NTNG1: variants seen among roughly 807,000 people sequenced by gnomAD.
NTNG1 encodes the protein netrin G1, also known as netrin-G1.
A neutral mutation model predicts 54.0 loss-of-function variants in NTNG1; 16 were observed. That is an observed-to-expected ratio of 0.30 (90% CI 0.20 to 0.45). NTNG1 has a LOEUF of 0.45. Ranked by LOEUF, NTNG1 falls within the 20% of genes least tolerant of loss-of-function variation. The probability of loss-of-function intolerance (pLI) is 1.00; values close to 1 mark genes in which losing one functional copy is unlikely to be tolerated. For synonymous variants in NTNG1, 255 were observed against 263.1 expected, an observed-to-expected ratio of 0.97 and a Z score of 0.30; for missense variants, 530 against 678.7, an observed-to-expected ratio of 0.78 and a Z score of 2.43.
intron 3 of NTNG1, among the ~76,000 whole-genome samples, chr1:107,357,626 GAGGACAGCTTGATTTTAAA>G (rs1410684358): frequency 6.6e-6 from 1 of 152,192 alleles, no homozygotes; most frequent in African/African-American, 2.4e-5. Flanking sequence ...TTGGAAGAAA[GAGGACAGCTTGATTTTAAA>G]AGCTAACAAA....
In NTNG1 at chr1:107,228,928, A is replaced by G. The variant is rs139380907; in HGVS notation, c.246+80089A>G. ...GCATTGCTCCCCGCAGTGCATTTCT[A>G]TTGAACTAATCATGGTTAATGTCAT... On this transcript the variant is annotated intron_variant, in intron 2 of 7. Coordinates refer to ENST00000370068, the MANE Select transcript of NTNG1 (RefSeq NM_001113226.3). Among the ~76,000 whole-genome samples, 355 of 152,210 alleles carry G rather than the reference A, an allele frequency of 2.3e-3. 2 individuals are homozygous for G. The highest frequency in any genetic ancestry group is 3.8e-3 in the Non-Finnish European group (256 of 68,008).
At chr1:107,455,762 T>C (rs997035839) in intron 7 of NTNG1, 8 of 332,108 alleles carry the variant, frequency 2.4e-5, no homozygotes, top group Non-Finnish European at 3.4e-5. Context: ...GTGTCAGTGC[T>C]ACATGGTCAG....
chr1:107,280,034 G>GGTGTGTGTGTGTGTGTGTGTGTGT (rs58563513), intron 2 of NTNG1, among the ~76,000 whole-genome samples: 2 of 146,452 alleles, frequency 1.4e-5, no homozygotes, highest in African/African-American at 5.1e-5. Flanking sequence ...TTCCTTTGTT[G>GGTGTGTGTGTGTGTGTGTGTGTGT]GTGTGTGTGT....
chr1:107,347,814 G>A (rs536847279), intron 3 of NTNG1, among the ~76,000 whole-genome samples: 38 of 152,246 alleles, frequency 2.5e-4, no homozygotes, highest in South Asian at 2.3e-3. Context: ...GTGGCAGGAC[G>A]GAGTGAGTGC....
intron 7 of NTNG1, among the ~76,000 whole-genome samples, chr1:107,479,966 C>T (rs1425620990): frequency 6.6e-6 from 1 of 152,132 alleles, no homozygotes; most frequent in Non-Finnish European, 1.5e-5. Context: ...CCTTAATAGG[C>T]TGTCAGGGAC....
chr1:107,410,484 G>T (rs902829043), intron 5 of NTNG1: 2 of 152,128 alleles, frequency 1.3e-5, no homozygotes, highest in African/African-American at 4.8e-5. Flanking sequence ...AAGGATACTT[G>T]ACTTAGAACT....
intron 7 of NTNG1, among the ~76,000 whole-genome samples, chr1:107,462,666 G>GTTA (rs1221967245): frequency 6.6e-6 from 1 of 152,102 alleles, no homozygotes; most frequent in Non-Finnish European, 1.5e-5. Context: ...TTTTGTTGTT[G>GTTA]TTTTTAAATA....
chr1:107,424,915 A>C (rs756988720), intron 5 of NTNG1, among the ~76,000 whole-genome samples: 2 of 152,084 alleles, frequency 1.3e-5, no homozygotes, highest in African/African-American at 2.4e-5. Flanking sequence ...TAGAGAACAA[A>C]GAGGTCCAAG....
chr1:107,318,012 C>T lies in NTNG1; in HGVS notation c.247-6270C>T, dbSNP rs966076325. ...AGATGCATAGGTGCTTTTGTCACAA[C>T]AGTTTCAGACTATCTAATGTTGGGA... On this transcript the variant is annotated intron_variant, in intron 2 of 7. Transcript: ENST00000370068. Among the ~76,000 whole-genome samples the T allele has an allele frequency of 3.0e-4, 45 of 152,306 alleles. 1 individual carries two copies. The highest frequency in any genetic ancestry group is 9.1e-4 in the African/African-American group (38 of 41,576).
chr1:107,294,112 G>A (rs1001592952), intron 2 of NTNG1, among the ~76,000 whole-genome samples: 4 of 152,334 alleles, frequency 2.6e-5, no homozygotes, highest in Non-Finnish European at 5.9e-5. Flanking sequence ...CATCCTGGAC[G>A]AGGAGGTGTC....
At chr1:107,462,298 T>C (rs1298650443) in intron 7 of NTNG1, among the ~76,000 whole-genome samples, 1 of 152,068 alleles carries the variant, frequency 6.6e-6, no homozygotes, top group South Asian at 2.1e-4. Context: ...TCAGGAAAAA[T>C]AGCAAAGTAA....
At chr1:107,216,457 C>T (rs1012937344) in intron 2 of NTNG1, among the ~76,000 whole-genome samples, 7 of 151,986 alleles carry the variant, frequency 4.6e-5, no homozygotes, top group South Asian at 2.1e-4. Flanking sequence ...ATTTATTGAC[C>T]TGCAGATGTT....
At chr1:107,210,434 C>T (rs186457749) in intron 2 of NTNG1, among the ~76,000 whole-genome samples, 4 of 152,070 alleles carry the variant, frequency 2.6e-5, no homozygotes, top group Admixed American at 2.6e-4. Context: ...ACTGCCAGGG[C>T]AGACCTTGGG....
chr1:107,422,090 AG>A (rs1327741427), intron 5 of NTNG1, among the ~76,000 whole-genome samples: 1 of 152,108 alleles, frequency 6.6e-6, no homozygotes, highest in East Asian at 1.9e-4. Context: ...AAATGGGAAA[AG>A]GGAAACCAAG....
At chr1:107,418,081 A>G (rs933433048) in intron 5 of NTNG1, among the ~76,000 whole-genome samples, 2 of 152,056 alleles carry the variant, frequency 1.3e-5, no homozygotes, top group African/African-American at 2.4e-5. Context: ...AACTACACAT[A>G]TAAAAATAGG....
At chr1:107,450,132 A>G (rs1465546796) in intron 7 of NTNG1, among the ~76,000 whole-genome samples, 3 of 152,130 alleles carry the variant, frequency 2.0e-5, no homozygotes, top group African/African-American at 7.2e-5. Context: ...TTAATTTTTA[A>G]AGTCTTGGGA....
chr1:107,328,147 T>C (rs200624557), intron 3 of NTNG1, among the ~76,000 whole-genome samples: 1 of 152,168 alleles, frequency 6.6e-6, no homozygotes, highest in South Asian at 2.1e-4. Context: ...AACATGGCTG[T>C]TGGCAATTTC....
At chr1:107,466,054 A>G (rs1251685197) in intron 7 of NTNG1, among the ~76,000 whole-genome samples, 1 of 152,158 alleles carries the variant, frequency 6.6e-6, no homozygotes, top group Non-Finnish European at 1.5e-5. Flanking sequence ...GAGATTCTGA[A>G]CACACTGTTG....
intron 2 of NTNG1, among the ~76,000 whole-genome samples, chr1:107,265,778 T>G (rs934976992): frequency 6.6e-6 from 1 of 152,170 alleles, no homozygotes; most frequent in Non-Finnish European, 1.5e-5. Context: ...AATTATTTGT[T>G]TAAGAAATAT....
Sources: allele counts gnomAD v4.1 joint callset (sites outside exome capture counted in the v4.1 genomes callset), GRCh38; gene constraint gnomAD v4.1.1; transcripts MANE v1.5; gene names NCBI Gene and HGNC (gene_info 2026-07-23, HGNC 2026-07-21).